ABCC5: variants seen among roughly 807,000 people sequenced by gnomAD.
ABCC5 encodes ATP-binding cassette sub-family C member 5.
In ABCC5, 61 loss-of-function variants were observed where a neutral mutation model predicts 160.9. That is an observed-to-expected ratio of 0.38 (90% CI 0.31 to 0.47). The LOEUF (loss-of-function observed/expected upper bound fraction) is 0.47, where lower values mean the gene tolerates loss of function less well. Among genes scored for constraint, ABCC5 ranks in the 20% least tolerant of loss-of-function variants. ABCC5 has a pLI of 0.99. For missense variants in ABCC5, 1,308 were observed against 1,813.3 expected (o/e 0.72, Z 5.06); for synonymous variants, 666 against 700.6 (o/e 0.95, Z 0.78).
At chr3:183,993,641 C>T (rs1719982431) in intron 2 of ABCC5, among the ~76,000 whole-genome samples, 1 of 152,120 alleles carries the variant, frequency 6.6e-6, no homozygotes. Context: ...TACATGCATG[C>T]ACCCCACTGC....
chr3:183,971,258 T>G (rs953828290), intron 11 of ABCC5, among the ~76,000 whole-genome samples: 1 of 152,194 alleles, frequency 6.6e-6, no homozygotes, highest in Admixed American at 6.5e-5. Context: ...TCAGAAATAA[T>G]TGTCACAGCT....
Position 183,971,704 on chromosome 3 carries a change from C to T in ABCC5, c.1620G>A (p.Ala540=), listed in dbSNP as rs374531338. ...GGTGGCCTTTCTGCTCTGCCAGCAC[C>T]GCCTGATGCTCAGTGCGCTGCAGCT... ...VRQLQRTEHQ[A]VLAEQKGHLL... The change falls in exon 11 of 30, where the codon GCG becomes GCA. Residue 540 remains alanine, a synonymous_variant. Transcript: ENST00000334444. The T allele has an allele frequency of 4.5e-5, 72 of 1,614,182 alleles. No individual in the cohort carries two copies. The African/African-American group carries it at 7.1e-4, about 16-fold the overall frequency.
At chr3:183,943,665 G>C (rs771533717) in intron 24 of ABCC5, among the ~76,000 whole-genome samples, 89 of 152,090 alleles carry the variant, frequency 5.9e-4, no homozygotes, top group Non-Finnish European at 1.1e-3. Context: ...TAGCACTCTG[G>C]GGGGTTAAGC....
At chr3:183,989,532 G>T in intron 2 of ABCC5, 149 bp from the exon 3 acceptor site, 6 of 687,858 alleles carry the variant, frequency 8.7e-6, no homozygotes, top group South Asian at 4.4e-5. Flanking sequence ...CACTAACTTT[G>T]TATGATTTGA....
intron 22 of ABCC5, among the ~76,000 whole-genome samples, chr3:183,948,948 C>G (rs1715093128): frequency 6.6e-6 from 1 of 152,228 alleles, no homozygotes; most frequent in Admixed American, 6.5e-5. Context: ...AGGCGATCCG[C>G]CCACCTCAGC....
chr3:183,950,517 C>T (rs545302236), intron 20 of ABCC5, among the ~76,000 whole-genome samples: 9 of 152,314 alleles, frequency 5.9e-5, no homozygotes, highest in African/African-American at 2.2e-4. Context: ...TTTAAACATA[C>T]ATAAAAATTA....
intron 27 of ABCC5, among the ~76,000 whole-genome samples, chr3:183,928,364 G>A (rs1020697726): frequency 3.3e-5 from 5 of 152,046 alleles, no homozygotes; most frequent in South Asian, 2.1e-4. Flanking sequence ...CACCTGCCTC[G>A]GCCTCCCAAA....
intron 29 of ABCC5, among the ~76,000 whole-genome samples, chr3:183,922,081 A>C (rs1248532958): frequency 6.9e-6 from 1 of 144,516 alleles, no homozygotes; most frequent in Admixed American, 7.0e-5. Flanking sequence ...AAATAAATAA[A>C]AAACAACAGG....
chr3:183,975,636 G>T (rs1202521777), intron 10 of ABCC5, among the ~76,000 whole-genome samples: 1 of 151,802 alleles, frequency 6.6e-6, no homozygotes, highest in Non-Finnish European at 1.5e-5. Flanking sequence ...AGCCACCAAG[G>T]CTGGCCATAA....
intron 10 of ABCC5, among the ~76,000 whole-genome samples, chr3:183,972,200 C>T (rs1717814780): frequency 6.6e-6 from 1 of 152,160 alleles, no homozygotes; most frequent in Non-Finnish European, 1.5e-5. Flanking sequence ...CAGCCTAAAG[C>T]GGACCTAATG....
At chr3:183,926,142 G>GTTTTT (rs545167336) in intron 28 of ABCC5, among the ~76,000 whole-genome samples, 2 of 132,048 alleles carry the variant, frequency 1.5e-5, no homozygotes, top group Non-Finnish European at 1.6e-5. Flanking sequence ...CCAGCCTATT[G>GTTTTT]TTTTTTTTTT....
rs377746084 is a variant in ABCC5 at position 183,925,505 on chromosome 3, C to T, written c.4212+50G>A. 3.7e-4 allele frequency: 594 copies of T among 1,599,234 alleles called. 1 individual carries two copies. Among genetic ancestry groups the T allele is most frequent in the Non-Finnish European group, 4.4e-4 (521 of 1,171,850 alleles). ...GCAATCAGTCCATCCCTGCCAGGGG[C>T]CAGTTTCCTCCCAGACATGCCAAGC... On this transcript the variant is annotated intron_variant, in intron 29 of 29. Coordinates refer to ENST00000334444, the MANE Select transcript of ABCC5 (RefSeq NM_005688.4).
intron 26 of ABCC5, among the ~76,000 whole-genome samples, chr3:183,930,420 T>C (rs192594860): frequency 1.3e-5 from 2 of 152,356 alleles, no homozygotes; most frequent in East Asian, 1.9e-4. Context: ...TTGTTTAATA[T>C]GGTACAGTTT....
Position 183,951,242 on chromosome 3 carries a change from C to A in ABCC5, c.2944+199G>T, listed in dbSNP as rs1179269888. On this transcript the variant is annotated intron_variant, in intron 20 of 29. Transcript: ENST00000334444. This position sits in a 1 kb window ranked among gnomAD's most constrained non-coding sequence, Gnocchi z 4.7. ...TCAGATGCCTCTGTTCAAAGCCTTT[C>A]TGCTAACTCAATTCATTGAATTTAT... 6.6e-6 allele frequency among the ~76,000 whole-genome samples: 1 copy of A among 152,224 alleles called. No individual in the cohort carries two copies. Among genetic ancestry groups the A allele is most frequent in the African/African-American group, 2.4e-5 (1 of 41,444 alleles).
chr3:184,006,554 T>A (rs1054635878), intron 2 of ABCC5: 1 of 152,192 alleles, frequency 6.6e-6, no homozygotes, highest in Non-Finnish European at 1.5e-5. Context: ...ACTCTAAAAG[T>A]ACAATGTACT....
At chr3:183,955,422 C>T (rs1048258003) in intron 17 of ABCC5, among the ~76,000 whole-genome samples, 4 of 152,152 alleles carry the variant, frequency 2.6e-5, no homozygotes, top group Non-Finnish European at 5.9e-5. Flanking sequence ...TAATAAGGCA[C>T]GTCCAACATT....
chr3:183,990,260 C>T (rs2108872338), intron 2 of ABCC5, among the ~76,000 whole-genome samples: 1 of 152,056 alleles, frequency 6.6e-6, no homozygotes, highest in Middle Eastern at 3.4e-3. Context: ...GCGTGCACCA[C>T]CATGCCCAGC....
At chr3:183,993,878 G>A (rs923649339) in intron 2 of ABCC5, among the ~76,000 whole-genome samples, 1 of 151,566 alleles carries the variant, frequency 6.6e-6, no homozygotes, top group African/African-American at 2.4e-5. Context: ...ATACATCATC[G>A]AGGTCTAAAA....
chr3:183,972,708 G>A (rs1717873633), intron 10 of ABCC5, among the ~76,000 whole-genome samples: 2 of 151,322 alleles, frequency 1.3e-5, no homozygotes, highest in African/African-American at 2.4e-5. Context: ...GCAGTGGCAC[G>A]ATCTCGACTC....
Sources: allele counts gnomAD v4.1 joint callset (sites outside exome capture counted in the v4.1 genomes callset), GRCh38; gene constraint gnomAD v4.1.1; non-coding constraint Gnocchi (gnomAD v3.1); transcripts MANE v1.5; gene names NCBI Gene and HGNC (gene_info 2026-07-23, HGNC 2026-07-21).